HIBCH: variants seen among roughly 807,000 people sequenced by gnomAD.
HIBCH encodes 3-hydroxyisobutyryl-CoA hydrolase, mitochondrial.
HIBCH carries 50 observed loss-of-function variants against 58.2 expected under a neutral mutation model. That is an observed-to-expected ratio of 0.86 (90% confidence interval 0.68 to 1.09). The LOEUF (loss-of-function observed/expected upper bound fraction) is 1.09, where lower values mean the gene tolerates loss of function less well. HIBCH is among the 50% of genes least tolerant of loss of function. HIBCH has a pLI of 0.00. For synonymous variants in HIBCH, 151 were observed against 146.9 expected, an observed-to-expected ratio of 1.03 and a Z score of -0.20; for missense variants, 450 against 449.7, an observed-to-expected ratio of 1.00 and a Z score of -0.01.
At chr2:190,319,225 T>C (rs1332236962) in intron 1 of HIBCH, among the ~76,000 whole-genome samples, 1 of 152,192 alleles carries the variant, frequency 6.6e-6, no homozygotes, top group Non-Finnish European at 1.5e-5. Flanking sequence ...CCACGTTAAA[T>C]GTCCCTCAAC....
Position 190,260,122 on chromosome 2 carries a change from G to A in HIBCH, c.517+1034C>T, listed in dbSNP as rs375612244. Among the ~76,000 whole-genome samples the A allele has an allele frequency of 9.7e-4, 147 of 152,250 alleles. 5 individuals are homozygous for A. In the South Asian group the frequency reaches 0.03, roughly 31 times the overall value. ...CAGATTAGAAAAAGGAAAGGAAAAA[G>A]TAAAACTGCTCTTACTTGTGAATGA... On this transcript the variant is annotated intron_variant, in intron 7 of 13. Coordinates refer to ENST00000359678, the MANE Select transcript of HIBCH (RefSeq NM_014362.4).
At chr2:190,293,655 G>C (rs969734611) in intron 4 of HIBCH, among the ~76,000 whole-genome samples, 3 of 151,556 alleles carry the variant, frequency 2.0e-5, no homozygotes, top group Admixed American at 6.6e-5. Flanking sequence ...AATGGTTTAC[G>C]TAAGTTTGGT....
intron 6 of HIBCH, among the ~76,000 whole-genome samples, chr2:190,263,362 T>A (rs1401619331): frequency 1.3e-5 from 2 of 152,220 alleles, no homozygotes; most frequent in Non-Finnish European, 2.9e-5. Context: ...ATTCCTACTT[T>A]ATGAAATGCT....
At chr2:190,270,491 G>C (rs578058667) in intron 6 of HIBCH, among the ~76,000 whole-genome samples, 29 of 152,300 alleles carry the variant, frequency 1.9e-4, no homozygotes, top group African/African-American at 6.5e-4. Context: ...TGATGTGACT[G>C]ATGTTTACAG....
At chr2:190,284,350 T>C (rs1687780192) in intron 6 of HIBCH, among the ~76,000 whole-genome samples, 1 of 152,132 alleles carries the variant, frequency 6.6e-6, no homozygotes, top group Non-Finnish European at 1.5e-5. Context: ...AGAAATGATG[T>C]GCTAGAGCAA....
chr2:190,260,942 T>G (rs1687071473), intron 7 of HIBCH, among the ~76,000 whole-genome samples: 1 of 152,176 alleles, frequency 6.6e-6, no homozygotes, highest in Non-Finnish European at 1.5e-5. Context: ...TGTGTTAATG[T>G]CTCCTTTAAT....
At chr2:190,319,671 G>T in intron 1 of HIBCH, 45 bp downstream of exon 1, 3 of 1,515,952 alleles carry the variant, frequency 2.0e-6, no homozygotes, top group South Asian at 2.3e-5. Context: ...ACTGTGGCGA[G>T]TGCCGCTGAA....
downstream of HIBCH, chr2:190,200,070 G>A: frequency 6.2e-7 from 1 of 1,614,058 alleles, no homozygotes; most frequent in Non-Finnish European, 8.5e-7. Flanking sequence ...AGGATATCTT[G>A]TGTGATGCCT....
At chr2:190,257,385 A>G (rs949021831) in intron 7 of HIBCH, among the ~76,000 whole-genome samples, 1 of 152,214 alleles carries the variant, frequency 6.6e-6, no homozygotes, top group Non-Finnish European at 1.5e-5. Flanking sequence ...CAAAATCTAA[A>G]ATAAGCAGAA....
chr2:190,257,725 C>T (rs750955460), intron 7 of HIBCH, among the ~76,000 whole-genome samples: 5 of 152,076 alleles, frequency 3.3e-5, no homozygotes, highest in Non-Finnish European at 5.9e-5. Context: ...CAACATCACA[C>T]GAGGGCCTTC....
chr2:190,238,591 A>G (rs529100859), intron 11 of HIBCH, among the ~76,000 whole-genome samples: 2 of 152,214 alleles, frequency 1.3e-5, no homozygotes, highest in Admixed American at 1.3e-4. Flanking sequence ...CAGCCTCCAC[A>G]GTAGCTGGGA....
chr2:190,204,986 C>G lies in HIBCH; in HGVS notation c.*131G>C. On this transcript the variant is annotated 3_prime_UTR_variant, in exon 14 of 14. Transcript: ENST00000359678. ...AATTATTAGTCTTTGATTTCTTTTCCCAACCATTTAAAAATGCGGAAACCA... is the reference window on the plus strand; with the variant it reads ...AATTATTAGTCTTTGATTTCTTTTCGCAACCATTTAAAAATGCGGAAACCA... 1.5e-6 allele frequency: 1 copy of G among 671,894 alleles called. No individual in the cohort carries two copies. The highest frequency in any genetic ancestry group is 2.7e-6 in the Non-Finnish European group (1 of 369,258). The allele number at this position is 671,894 out of a possible 1,614,324, so 41.6% of individuals were successfully genotyped here.
chr2:190,237,316 G>C (rs1018905451), intron 11 of HIBCH, among the ~76,000 whole-genome samples: 1 of 152,172 alleles, frequency 6.6e-6, no homozygotes, highest in Non-Finnish European at 1.5e-5. Flanking sequence ...CATACAATGA[G>C]TGGTCCTTTG....
chr2:190,198,322 A>G lies in HIBCH; in HGVS notation c.*17+6778T>C, dbSNP rs146846177. Among the ~76,000 whole-genome samples the G allele has an allele frequency of 2.8e-3, 429 of 152,246 alleles. 5 individuals are homozygous for G. The highest frequency in any genetic ancestry group is 9.4e-4 in the Non-Finnish European group (64 of 68,020). Reference sequence around the variant, plus strand: ...TACAAACTATTAAAAAATGAATTAGATGCACGCAAGCTTTTGCCTTAAGAT... The same window carrying G: ...TACAAACTATTAAAAAATGAATTAGGTGCACGCAAGCTTTTGCCTTAAGAT... On this transcript the variant is annotated intron_variant, in intron 1 of 1. Coordinates refer to the HIBCH transcript ENST00000399855.
intron 6 of HIBCH, among the ~76,000 whole-genome samples, chr2:190,276,470 G>A (rs1253291439): frequency 6.6e-6 from 1 of 152,078 alleles, no homozygotes; most frequent in Non-Finnish European, 1.5e-5. Flanking sequence ...TTAGAGTTGG[G>A]GCCAAATGGA....
chr2:190,198,286 A>G (rs1690070759), intron 1 of HIBCH, among the ~76,000 whole-genome samples: 1 of 152,142 alleles, frequency 6.6e-6, no homozygotes, highest in Non-Finnish European at 1.5e-5. Context: ...CCTCCTCTGG[A>G]CATCCTTAAT....
At chr2:190,266,822 T>A (rs1450904996) in intron 6 of HIBCH, among the ~76,000 whole-genome samples, 1 of 151,730 alleles carries the variant, frequency 6.6e-6, no homozygotes, top group Non-Finnish European at 1.5e-5. Flanking sequence ...AGTGGCACAA[T>A]ATCAGCTCAC....
chr2:190,256,220 C>T (rs113540575), intron 7 of HIBCH, among the ~76,000 whole-genome samples: 25 of 152,090 alleles, frequency 1.6e-4, no homozygotes, highest in African/African-American at 5.1e-4. Context: ...GAGGACACAA[C>T]GCCTAACCAT....
In HIBCH at chr2:190,250,729, T is replaced by G. The variant is rs545108960; in HGVS notation, c.664-1003A>C. ...TTTGGCCAAACATGATAGAAAGGCC[T>G]TCATAACAGTTTACAGAGACAATCT... On this transcript the variant is annotated intron_variant, in intron 8 of 13. Coordinates refer to ENST00000359678, the MANE Select transcript of HIBCH (RefSeq NM_014362.4). 3.3e-5 allele frequency among the ~76,000 whole-genome samples: 5 copies of G among 152,336 alleles called. No homozygotes were observed. In the East Asian group the frequency reaches 9.6e-4, roughly 29 times the overall value.
Sources: gnomAD v4.1 joint callset for allele counts (sites outside exome capture counted in the v4.1 genomes callset) on GRCh38, gnomAD v4.1.1 for gene constraint, MANE v1.5 for transcripts, NCBI Gene and HGNC (gene_info 2026-07-23, HGNC 2026-07-21) for gene names.